Variants in PRCP observed in about 807,000 individuals in gnomAD.
PRCP encodes lysosomal Pro-X carboxypeptidase.
A neutral mutation model predicts 54.2 loss-of-function variants in PRCP; 46 were observed. The ratio of observed to expected loss-of-function variants is 0.85; its 90% confidence interval spans 0.67 to 1.09. The LOEUF (loss-of-function observed/expected upper bound fraction) is 1.09, where lower values mean the gene tolerates loss of function less well. Among genes scored for constraint, PRCP ranks in the 50% least tolerant of loss-of-function variants. PRCP has a pLI of 0.00. For synonymous variants in PRCP, 240 were observed against 212.2 expected, an observed-to-expected ratio of 1.13 and a Z score of -1.14; for missense variants, 613 against 596.8, an observed-to-expected ratio of 1.03 and a Z score of -0.28.
intron 1 of PRCP, among the ~76,000 whole-genome samples, chr11:82,892,382 T>C (rs1860024105): frequency 6.6e-6 from 1 of 152,152 alleles, no homozygotes; most frequent in Admixed American, 6.5e-5. Flanking sequence ...TCACTTCTCA[T>C]AAACAATACC....
chr11:82,842,363 A>C (rs374809404), intron 6 of PRCP, among the ~76,000 whole-genome samples: 1 of 152,284 alleles, frequency 6.6e-6, no homozygotes, highest in East Asian at 1.9e-4. Context: ...ATGGAATTCC[A>C]AGTCCAGATT....
intron 1 of PRCP, among the ~76,000 whole-genome samples, chr11:82,874,485 G>A (rs910789951): frequency 3.3e-5 from 5 of 152,138 alleles, no homozygotes; most frequent in African/African-American, 7.2e-5. Context: ...GAGCCAAGGA[G>A]TTCGAGACCA....
intron 8 of PRCP, chr11:82,826,576 A>G (rs1003014780): frequency 1.3e-5 from 2 of 152,220 alleles, no homozygotes; most frequent in African/African-American, 4.8e-5. Flanking sequence ...CCCAGTAGCA[A>G]CATTTGAGGG....
rs367747483 is a variant in PRCP, at chr11:82,839,420, C to T, written c.927G>A (p.Val309=). ...CATTGGGATTTTTCAAATACTGGCA[C>T]ACTACCTGTCATTTTAGAAAGATAA... ...QPLPAWPIKV[V]CQYLKNPNVS... The change falls in exon 7 of 9, where the codon GTG becomes GTA. Residue 309 remains valine (V), a synonymous_variant. Transcript: ENST00000313010. 11 of 1,608,888 alleles carry T rather than the reference C, an allele frequency of 6.8e-6. No individual in the cohort carries two copies. The highest frequency in any genetic ancestry group is 3.3e-5 in the South Asian group (3 of 90,546).
rs1435768996 is a variant in PRCP, at chr11:82,877,302, C to T, written c.169-17185G>A. ...TGACGATGCAGTAGAAAAGAAAAAC[C>T]TATTTTCTGAGGAGAAATTCAAACC... On this transcript the variant is annotated intron_variant, in intron 1 of 8. Transcript: ENST00000313010. 3.3e-5 allele frequency among the ~76,000 whole-genome samples: 5 copies of T among 152,196 alleles called. No homozygotes were observed. In the East Asian group the frequency reaches 9.6e-4, roughly 29 times the overall value.
chr11:82,853,146 C>A, intron 3 of PRCP, 31 bp downstream of exon 3: 1 of 1,494,570 alleles, frequency 6.7e-7, no homozygotes. Flanking sequence ...AAAGAAAAAG[C>A]TTGTAACTTT....
rs368793848 is a variant in PRCP at position 82,853,293 on chromosome 11, C to T, written c.310-15G>A. ...CACATGAACCCCTAAGAAGAGTTTA[C>T]AAAATCACAGGATAAAATCAGAATG... On this transcript the variant is annotated splice_polypyrimidine_tract_variant and intron_variant, in intron 2 of 8. Coordinates refer to ENST00000313010, the MANE Select transcript of PRCP (RefSeq NM_005040.4). The T allele has an allele frequency of 5.0e-6, 8 of 1,584,230 alleles. No homozygotes were observed. Among genetic ancestry groups the T allele is most frequent in the South Asian group, 1.1e-5 (1 of 87,116 alleles).
chr11:82,825,316 G>A (rs1858200474), intron 8 of PRCP, 194 bp from the exon 9 acceptor site: 11 of 578,354 alleles, frequency 1.9e-5, no homozygotes, highest in Admixed American at 1.5e-4. Context: ...CATGCAACCA[G>A]GTGCAAAAAA....
chr11:82,884,769 T>C (rs1859828045), intron 1 of PRCP: 2 of 1,607,514 alleles, frequency 1.2e-6, no homozygotes, highest in Non-Finnish European at 1.7e-6. Flanking sequence ...CTTAACCAAG[T>C]TCATGGCTTT....
At chr11:82,885,218 C>A (rs1368971867) in intron 1 of PRCP, among the ~76,000 whole-genome samples, 1 of 152,134 alleles carries the variant, frequency 6.6e-6, no homozygotes, top group East Asian at 1.9e-4. Context: ...GTTATAGTCA[C>A]CAATGCTGTG....
chr11:82,854,646 A>G (rs1002577850), intron 2 of PRCP, among the ~76,000 whole-genome samples: 10 of 120,330 alleles, frequency 8.3e-5, no homozygotes, highest in African/African-American at 2.4e-4. Context: ...CAGAGTTAGG[A>G]AAAAAAAACT....
chr11:82,891,331 C>T (rs1399354935), intron 1 of PRCP, among the ~76,000 whole-genome samples: 1 of 152,192 alleles, frequency 6.6e-6, no homozygotes, highest in Non-Finnish European at 1.5e-5. Context: ...ACCACTACCA[C>T]ACTAATCCAA....
intron 1 of PRCP, among the ~76,000 whole-genome samples, chr11:82,860,417 A>C (rs1048747978): frequency 2.0e-5 from 3 of 152,120 alleles, no homozygotes; most frequent in African/African-American, 7.2e-5. Flanking sequence ...TTGAATTGTA[A>C]ATACAATGTG....
At chr11:82,845,044 AAAAAC>A (rs1450004912) in intron 6 of PRCP, among the ~76,000 whole-genome samples, 1 of 130,416 alleles carries the variant, frequency 7.7e-6, no homozygotes, top group Non-Finnish European at 1.6e-5. Context: ...TAAAAAAAAA[AAAAAC>A]AACTGTAAAA....
upstream of PRCP, among the ~76,000 whole-genome samples, chr11:82,901,113 C>T (rs926600193): frequency 1.4e-4 from 21 of 152,166 alleles, no homozygotes; most frequent in African/African-American, 5.1e-4. Context: ...AAAGACTGTG[C>T]TCCTTGCACC....
At chr11:82,852,444 G>T (rs979559155) in intron 3 of PRCP, among the ~76,000 whole-genome samples, 1 of 152,148 alleles carries the variant, frequency 6.6e-6, no homozygotes, top group Non-Finnish European at 1.5e-5. Context: ...CATTTTTAAT[G>T]GAACATTTAT....
chr11:82,863,027 A>G (rs1170601163), intron 1 of PRCP, among the ~76,000 whole-genome samples: 1 of 152,212 alleles, frequency 6.6e-6, no homozygotes, highest in African/African-American at 2.4e-5. Context: ...GCTTCCATTC[A>G]ATTAGTACAG....
At chr11:82,852,123 G>A (rs925269462) in intron 3 of PRCP, among the ~76,000 whole-genome samples, 3 of 152,172 alleles carry the variant, frequency 2.0e-5, no homozygotes, top group African/African-American at 7.2e-5. Flanking sequence ...CAAGCTAACT[G>A]CTTCCCAGTG....
intron 1 of PRCP, among the ~76,000 whole-genome samples, chr11:82,876,848 A>T (rs1014046429): frequency 6.6e-6 from 1 of 152,218 alleles, no homozygotes; most frequent in African/African-American, 2.4e-5. Context: ...TGCTGAAAGG[A>T]TACCCGAAAA....
Sources: gnomAD v4.1 joint callset for allele counts (sites outside exome capture counted in the v4.1 genomes callset) on GRCh38, gnomAD v4.1.1 for gene constraint, MANE v1.5 for transcripts, NCBI Gene and HGNC (gene_info 2026-07-23, HGNC 2026-07-21) for gene names.